RP1: variants seen among roughly 807,000 people sequenced by gnomAD.
RP1 encodes the protein oxygen-regulated protein 1.
In RP1, 16 loss-of-function variants were observed where a neutral mutation model predicts 14.8. The ratio of observed to expected loss-of-function variants is 1.08; its 90% confidence interval spans 0.73 to 1.65. The LOEUF is 1.65. RP1 is among the 40% of genes most tolerant of loss of function. The probability of loss-of-function intolerance (pLI) is 0.00; values close to 1 mark genes in which losing one functional copy is unlikely to be tolerated. For missense variants in RP1, 2,631 were observed against 2,535.0 expected (o/e 1.04, Z -0.81); for synonymous variants, 876 against 883.6 (o/e 0.99, Z 0.15).
intron 1 of RP1, among the ~76,000 whole-genome samples, chr8:54,607,540 A>C (rs552530682): frequency 6.6e-6 from 1 of 152,152 alleles, no homozygotes; most frequent in Non-Finnish European, 1.5e-5. Flanking sequence ...CTCCAGTTGC[A>C]TGCTGGGAGA....
intron 15 of RP1, among the ~76,000 whole-genome samples, chr8:54,707,418 C>T (rs1254402419): frequency 6.6e-6 from 1 of 152,160 alleles, no homozygotes; most frequent in Admixed American, 6.6e-5. Flanking sequence ...ACACTGTGCC[C>T]AGACAGGGGT....
At chr8:54,635,065 G>T (rs1194813350), downstream of RP1, among the ~76,000 whole-genome samples, 1 of 148,124 alleles carries the variant, frequency 6.8e-6, no homozygotes, top group Non-Finnish European at 1.5e-5. Flanking sequence ...CTGGGCAACA[G>T]AGCGAGACTC....
chr8:54,722,229 AG>A (rs1251307262), intron 16 of RP1, among the ~76,000 whole-genome samples: 7 of 150,586 alleles, frequency 4.6e-5, no homozygotes, highest in Non-Finnish European at 8.9e-5. Context: ...AAAAGTTTAT[AG>A]TAATTCTCCA....
intron 1 of RP1, among the ~76,000 whole-genome samples, chr8:54,609,122 A>G (rs1414498740): frequency 2.6e-5 from 4 of 152,204 alleles, no homozygotes; most frequent in Non-Finnish European, 2.9e-5. Context: ...ATTCCATCAG[A>G]TCATAGCAGA....
At position 54,621,325 on chromosome 8, in the gene RP1, C is replaced by T. The variant is rs754586498; in HGVS notation, c.359C>T (p.Ala120Val). ...RKVQPVDLDK[A>V]RRRPRPWLSS... The stretch of plus-strand genomic sequence containing the variant: ...GTGCAGCCTGTAGACCTGGACAAAG[C>T]CCGTCGGCGCCCGCGGCCCTGGCTC... Residue 120 changes from alanine (A) to valine (V), a missense_variant, in exon 2 of 4, where the codon GCC (alanine) becomes GTC (valine). Coordinates refer to ENST00000220676, the MANE Select transcript of RP1 (RefSeq NM_006269.2). The T allele has an allele frequency of 2.5e-6, 4 of 1,612,224 alleles. No individual in the cohort carries two copies. In the South Asian group the frequency reaches 4.4e-5, roughly 18 times the overall value.
chr8:54,571,549 G>A (rs1804523421), intron 1 of RP1, among the ~76,000 whole-genome samples: 1 of 152,198 alleles, frequency 6.6e-6, no homozygotes, highest in South Asian at 2.1e-4. Flanking sequence ...GTTCCACTTA[G>A]ACCAGCTGGA....
Position 54,626,456 on chromosome 8 carries a change from A to G in RP1, c.2574A>G (p.Lys858=). 1 of 1,613,850 alleles carries G rather than the reference A, an allele frequency of 6.2e-7. No homozygotes were observed. Among genetic ancestry groups the G allele is most frequent in the Non-Finnish European group, 8.5e-7 (1 of 1,179,922 alleles). ...TGGCAAAGAAGAGTTTAGTTTCAAA[A>G]GTTACTGATTCACACATAACTTTAA... is the stretch of plus-strand genomic sequence containing the variant. The part of the protein sequence containing the change: ...RGMAKKSLVS[K]VTDSHITLKS... Residue 858 remains lysine, a synonymous_variant, in exon 4 of 4, where the codon AAA becomes AAG. Transcript: ENST00000220676.
chr8:54,811,272 G>A (rs1014561782), intron 24 of RP1, among the ~76,000 whole-genome samples: 1 of 152,106 alleles, frequency 6.6e-6, no homozygotes, highest in Non-Finnish European at 1.5e-5. Context: ...CACTTCACCA[G>A]CATCCTTATT....
At chr8:54,587,173 A>G (rs113509988) in intron 1 of RP1, among the ~76,000 whole-genome samples, 148 of 152,324 alleles carry the variant, frequency 9.7e-4, no homozygotes, top group African/African-American at 3.4e-3. Context: ...CAGCAGTCCC[A>G]GTGATCTTTA....
intron 12 of RP1, chr8:54,679,961 G>T (rs1807389191): frequency 1.3e-6 from 2 of 1,533,156 alleles, no homozygotes; most frequent in Non-Finnish European, 1.7e-6. Flanking sequence ...AGCTTGTGGT[G>T]CTGGACAGGT....
rs2129317930 is a variant in RP1, at chr8:54,628,848, G to T, written c.4966G>T (p.Val1656Phe). 2 of 1,614,054 alleles carry T rather than the reference G, an allele frequency of 1.2e-6. No individual in the cohort carries two copies. The highest frequency in any genetic ancestry group is 4.5e-5 in the East Asian group (2 of 44,882). The change falls in exon 4 of 4, where the codon GTT becomes TTT. Residue 1656 changes from valine to phenylalanine, a missense_variant. Physicochemically the swap from Val to Phe is conservative, Grantham distance 50. Coordinates refer to ENST00000220676, the MANE Select transcript of RP1 (RefSeq NM_006269.2). ...TCCTGGGTCTACCCGCAAATCTCAG[G>T]TTTGTCCTTATAATTCTGTGGAATT... ...FFPGSTRKSQVCPYNSVEFQC... is the reference protein window; with the variant it reads ...FFPGSTRKSQFCPYNSVEFQC...
chr8:54,791,996 G>T (rs1321641770), intron 24 of RP1, among the ~76,000 whole-genome samples: 2 of 152,032 alleles, frequency 1.3e-5, no homozygotes, highest in African/African-American at 4.8e-5. Context: ...CACATAGGCT[G>T]TAGTTAGGGA....
chr8:54,605,690 C>T (rs1270202582), intron 1 of RP1, among the ~76,000 whole-genome samples: 2 of 152,132 alleles, frequency 1.3e-5, no homozygotes, highest in African/African-American at 4.8e-5. Flanking sequence ...CTTTGCAGGT[C>T]TCTAAGGACT....
intron 19 of RP1, among the ~76,000 whole-genome samples, chr8:54,744,617 T>A (rs1303752380): frequency 6.6e-6 from 1 of 152,198 alleles, no homozygotes; most frequent in African/African-American, 2.4e-5. Flanking sequence ...CTTGCAGCCC[T>A]ATTCAAGCAT....
intron 24 of RP1, among the ~76,000 whole-genome samples, chr8:54,831,846 T>G (rs923885538): frequency 2.0e-5 from 3 of 151,800 alleles, no homozygotes; most frequent in African/African-American, 7.2e-5. Flanking sequence ...AGTTGGCTAG[T>G]TATAAATTTT....
intron 7 of RP1, among the ~76,000 whole-genome samples, chr8:54,670,052 A>T (rs147928561): frequency 0.012 from 1,790 of 152,168 alleles, 16 homozygotes; most frequent in Middle Eastern, 0.031. Context: ...CAAAATAAAA[A>T]CAGAAAAAAA....
chr8:54,622,362 A>G (rs535728289), intron 3 of RP1, 74 bp downstream of exon 3: 33 of 1,267,128 alleles, frequency 2.6e-5, no homozygotes, highest in East Asian at 1.4e-4. Flanking sequence ...GGCAAAATCC[A>G]TGCTTCAATG....
rs2129316715 is a variant in RP1, at chr8:54,626,482, A to G, written c.2600A>G (p.Lys867Arg). The G allele has an allele frequency of 6.2e-7, 1 of 1,613,860 alleles. No individual in the cohort carries two copies. The highest frequency in any genetic ancestry group is 1.1e-5 in the South Asian group (1 of 91,074). Residue 867 changes from lysine to arginine, a missense_variant, in exon 4 of 4, where the codon AAA becomes AGA. Coordinates refer to ENST00000220676, the MANE Select transcript of RP1 (RefSeq NM_006269.2). The stretch of plus-strand genomic sequence containing the variant: ...GTTACTGATTCACACATAACTTTAA[A>G]AAGCCAGAAAAAACGTAAAGGGGAT... ...SKVTDSHITL[K>R]SQKKRKGDKV...
intron 24 of RP1, among the ~76,000 whole-genome samples, chr8:54,815,003 C>T (rs941050459): frequency 4.6e-5 from 7 of 152,086 alleles, no homozygotes; most frequent in Admixed American, 1.3e-4. Flanking sequence ...AGCGAGACTC[C>T]GTCTCAAAAA....
Sources: gnomAD v4.1 joint callset for allele counts (sites outside exome capture counted in the v4.1 genomes callset) on GRCh38, gnomAD v4.1.1 for gene constraint, MANE v1.5 for transcripts, NCBI Gene and HGNC (gene_info 2026-07-23, HGNC 2026-07-21) for gene names.